LINGO2: variants seen among roughly 807,000 people sequenced by gnomAD.
LINGO2 encodes the protein leucine rich repeat and Ig domain containing 2, also known as leucine-rich repeat and immunoglobulin-like domain-containing nogo receptor-interacting protein 2.
In LINGO2, 14 loss-of-function variants were observed where a neutral mutation model predicts 30.6. The ratio of observed to expected loss-of-function variants is 0.46; its 90% CI spans 0.30 to 0.72. The LOEUF (loss-of-function observed/expected upper bound fraction) is 0.72, where lower values mean the gene tolerates loss of function less well. Among genes scored for constraint, LINGO2 ranks in the 30% least tolerant of loss-of-function variants. LINGO2 has a pLI of 0.07. For missense variants in LINGO2, 729 were observed against 751.7 expected, an observed-to-expected ratio of 0.97 and a Z score of 0.35; for synonymous variants, 317 against 288.5, an observed-to-expected ratio of 1.10 and a Z score of -1.00.
At chr9:27,953,832 G>A (rs796099987) in intron 5 of LINGO2, among the ~76,000 whole-genome samples, 1 of 152,068 alleles carries the variant, frequency 6.6e-6, no homozygotes, top group Non-Finnish European at 1.5e-5. Flanking sequence ...CATGGAAAAT[G>A]AAATGATATA....
the LINGO2 span, among the ~76,000 whole-genome samples, chr9:29,182,744 C>T: frequency 3.3e-5 from 5 of 151,348 alleles, no homozygotes; most frequent in South Asian, 2.1e-4. Context: ...GTCTGTGACT[C>T]GCTCATCGAT....
chr9:28,714,198 C>CATATATATATACACACACACAT, the LINGO2 span, among the ~76,000 whole-genome samples: 454 of 64,080 alleles, frequency 7.1e-3, no homozygotes, highest in African/African-American at 0.033. Context: ...TACACACATA[C>CATATATATATACACACACACAT]ACACACACAC....
At chr9:27,985,320 C>T (rs1821073812) in intron 5 of LINGO2, among the ~76,000 whole-genome samples, 1 of 151,856 alleles carries the variant, frequency 6.6e-6, no homozygotes, top group East Asian at 1.9e-4. Flanking sequence ...TCAAATTAAA[C>T]AGCTCCACAA....
At chr9:28,095,336 G>T (rs1001017818) in intron 4 of LINGO2, among the ~76,000 whole-genome samples, 6 of 152,006 alleles carry the variant, frequency 3.9e-5, no homozygotes, top group African/African-American at 1.4e-4. Flanking sequence ...GTTTTTCCAA[G>T]GAAAGCAGGT....
chr9:28,843,826 GC>G, the LINGO2 span, among the ~76,000 whole-genome samples: 1 of 151,822 alleles, frequency 6.6e-6, no homozygotes, highest in East Asian at 1.9e-4. Flanking sequence ...GTTTCCCTGA[GC>G]TTACTATGTA....
At chr9:29,016,434 A>G in the LINGO2 span, among the ~76,000 whole-genome samples, 1 of 152,168 alleles carries the variant, frequency 6.6e-6, no homozygotes, top group African/African-American at 2.4e-5. Flanking sequence ...CAGGAACACT[A>G]AAGTAGAATG....
chr9:29,016,915 A>G, the LINGO2 span, among the ~76,000 whole-genome samples: 1 of 152,132 alleles, frequency 6.6e-6, no homozygotes, highest in Non-Finnish European at 1.5e-5. Flanking sequence ...GCTTGTTCAC[A>G]TAGCTTTTGT....
At chr9:27,942,984 G>C in the LINGO2 span, 1 of 152,132 alleles carries the variant, frequency 6.6e-6, no homozygotes, top group Non-Finnish European at 1.5e-5. Flanking sequence ...TCTATGCAAA[G>C]TTTGTTCATG....
the LINGO2 span, among the ~76,000 whole-genome samples, chr9:28,692,506 A>G: frequency 6.6e-6 from 1 of 152,226 alleles, no homozygotes; most frequent in Non-Finnish European, 1.5e-5. Flanking sequence ...AAATAAAGTG[A>G]CAATTTCTTT....
chr9:28,914,870 C>T, the LINGO2 span, among the ~76,000 whole-genome samples: 8 of 152,280 alleles, frequency 5.3e-5, no homozygotes, highest in East Asian at 3.9e-4. Context: ...CGGTGGCTCA[C>T]GCCTGTAATC....
In LINGO2 at chr9:28,024,278, G is replaced by C. The variant is rs569704044; in HGVS notation, c.-86-11873C>G. Among the ~76,000 whole-genome samples the C allele has an allele frequency of 2.1e-3, 327 of 152,330 alleles. 2 individuals carry two copies. Among genetic ancestry groups the C allele is most frequent in the African/African-American group, 7.4e-3 (308 of 41,572 alleles). The stretch of plus-strand genomic sequence containing the variant: ...AGGTTGTGCTCTACAAGGACAACCA[G>C]GCTAAGAGGCAAAAAGAGGGTGGCA... On this transcript the variant is annotated intron_variant, in intron 4 of 5. Coordinates refer to ENST00000379992, the Ensembl canonical transcript of LINGO2.
chr9:28,106,482 G>T (rs777619497), intron 4 of LINGO2, among the ~76,000 whole-genome samples: 1 of 152,120 alleles, frequency 6.6e-6, no homozygotes, highest in Non-Finnish European at 1.5e-5. Context: ...TGAAAAAGTC[G>T]AAGAGGAAAA....
intron 1 of LINGO2, among the ~76,000 whole-genome samples, chr9:28,656,126 C>T (rs773632749): frequency 6.6e-6 from 1 of 152,010 alleles, no homozygotes; most frequent in Non-Finnish European, 1.5e-5. Flanking sequence ...GGCTGACCTT[C>T]ATGCTGAAGA....
chr9:28,966,209 C>T, the LINGO2 span, among the ~76,000 whole-genome samples: 1 of 152,064 alleles, frequency 6.6e-6, no homozygotes, highest in Non-Finnish European at 1.5e-5. Context: ...AAAAAACTGG[C>T]TAATGTCTGA....
chr9:27,969,294 T>C (rs117329590), intron 5 of LINGO2, among the ~76,000 whole-genome samples: 1,823 of 152,186 alleles, frequency 0.012, 19 homozygotes, highest in Middle Eastern at 0.041. Context: ...GAAAGCTTCA[T>C]TGAGTATGTA....
At chr9:28,037,859 C>T (rs1474870907) in intron 4 of LINGO2, among the ~76,000 whole-genome samples, 3 of 152,190 alleles carry the variant, frequency 2.0e-5, no homozygotes, top group Admixed American at 1.3e-4. Context: ...CTATGTTAGG[C>T]GTCAGCTACT....
intron 4 of LINGO2, among the ~76,000 whole-genome samples, chr9:28,040,430 T>TC (rs1484379243): frequency 6.6e-6 from 1 of 151,304 alleles, no homozygotes; most frequent in East Asian, 1.9e-4. Context: ...TGAAGTTTTT[T>TC]TTTTTTTTTT....
intron 4 of LINGO2, among the ~76,000 whole-genome samples, chr9:28,192,593 G>A (rs1188065841): frequency 6.6e-6 from 1 of 152,026 alleles, no homozygotes; most frequent in Non-Finnish European, 1.5e-5. Context: ...CTGTGGTGAT[G>A]TATTTCTTCA....
At chr9:28,733,191 G>A in the LINGO2 span, among the ~76,000 whole-genome samples, 24 of 151,956 alleles carry the variant, frequency 1.6e-4, no homozygotes, top group East Asian at 9.7e-4. Context: ...TTGCTTATCC[G>A]TTGCAAAACT....
Sources: gnomAD v4.1 joint callset for allele counts (sites outside exome capture counted in the v4.1 genomes callset) on GRCh38, gnomAD v4.1.1 for gene constraint, MANE v1.5 for transcripts, NCBI Gene and HGNC (gene_info 2026-07-23, HGNC 2026-07-21) for gene names.